IL12RB1: variants seen among roughly 807,000 people sequenced by gnomAD.
IL12RB1 encodes interleukin 12 receptor subunit beta 1, also known as interleukin-12 receptor subunit beta-1.
IL12RB1 carries 64 observed loss-of-function variants against 94.4 expected under a neutral mutation model. The ratio of observed to expected loss-of-function variants is 0.68; its 90% CI spans 0.55 to 0.83. IL12RB1 has a LOEUF of 0.83. IL12RB1 is among the 40% of genes least tolerant of loss of function. The pLI is 0.00. For synonymous variants in IL12RB1, 362 were observed against 355.5 expected (o/e 1.02, Z -0.21); for missense variants, 814 against 855.6 (o/e 0.95, Z 0.61).
At chr19:18,082,941 G>T (rs11667720) in intron 2 of IL12RB1, among the ~76,000 whole-genome samples, 1 of 151,628 alleles carries the variant, frequency 6.6e-6, no homozygotes. Flanking sequence ...AAATTAGCCG[G>T]GTGTGGTGGC....
At position 18,066,800 on chromosome 19, in the gene IL12RB1, G is replaced by C; in HGVS notation, c.1328-103C>G. 5.8e-6 allele frequency: 5 copies of C among 869,098 alleles called. No individual in the cohort carries two copies. In the South Asian group the frequency reaches 7.0e-5, roughly 12 times the overall value. 53.8% of individuals were successfully genotyped at this position (869,098 alleles called of 1,614,324 possible). A position where few individuals can be genotyped will look rare whatever the true frequency, so the allele number is the denominator to read the frequency against. ...CCAGCACTTTGGGAGGCCGAGGTGG[G>C]TAAGTCATTTGAGGCCAGGAGTTCA... On this transcript the variant is annotated intron_variant, in intron 11 of 16. Coordinates refer to ENST00000593993, the MANE Select transcript of IL12RB1 (RefSeq NM_005535.3).
At chr19:18,065,415 G>C (rs889145894) in intron 12 of IL12RB1, among the ~76,000 whole-genome samples, 1 of 152,118 alleles carries the variant, frequency 6.6e-6, no homozygotes, top group Non-Finnish European at 1.5e-5. Context: ...CCTTCTCCAG[G>C]GTCTGCAAGG....
intron 4 of IL12RB1, 35 bp downstream of exon 4, chr19:18,080,797 G>A: frequency 6.7e-7 from 1 of 1,485,026 alleles, no homozygotes; most frequent in South Asian, 1.1e-5. Flanking sequence ...GCCTCTCTGG[G>A]TAAAAAACGG....
intron 3 of IL12RB1, 86 bp downstream of exon 3, chr19:18,082,064 C>T (rs1053273959): frequency 1.8e-5 from 14 of 793,008 alleles, no homozygotes; most frequent in East Asian, 7.9e-5. Flanking sequence ...GCCAAGATCA[C>T]GCATCCGAGA....
intron 4 of IL12RB1, 143 bp downstream of exon 4, chr19:18,080,689 T>A: frequency 1.4e-6 from 1 of 730,296 alleles, no homozygotes; most frequent in Non-Finnish European, 2.5e-6. Context: ...GTCACAATAG[T>A]GTTTGCGTGA....
intron 12 of IL12RB1, 129 bp from the exon 13 acceptor site, chr19:18,064,139 T>TTC: frequency 1.4e-5 from 3 of 210,052 alleles, no homozygotes; most frequent in South Asian, 1.1e-4. Flanking sequence ...TCTTTCTTTC[T>TTC]TTTTTTTTTT....
intron 8 of IL12RB1, 26 bp from the exon 9 acceptor site, chr19:18,072,375 G>A (rs748827827): frequency 6.9e-7 from 1 of 1,441,586 alleles, no homozygotes; most frequent in Non-Finnish European, 9.8e-7. Flanking sequence ...AAGACAGCTT[G>A]TGGGTACCTG....
At chr19:18,071,147 T>G (rs1599492570) in intron 9 of IL12RB1, 1 of 313,530 alleles carries the variant, frequency 3.2e-6, no homozygotes, top group Non-Finnish European at 6.2e-6. Flanking sequence ...CCAAGGCAGG[T>G]GGATCACTTG....
At chr19:18,066,385 G>A (rs2034580420) in intron 12 of IL12RB1, among the ~76,000 whole-genome samples, 157 bp downstream of exon 12, 1 of 151,366 alleles carries the variant, frequency 6.6e-6, no homozygotes, top group Non-Finnish European at 1.5e-5. Flanking sequence ...GGGATTACAG[G>A]CGTGAGCCAC....
intron 8 of IL12RB1, 143 bp from the exon 9 acceptor site, chr19:18,072,492 A>G: frequency 1.5e-6 from 1 of 676,180 alleles, no homozygotes. Flanking sequence ...AGAATAATAA[A>G]CCTCAATGCT....
intron 4 of IL12RB1, among the ~76,000 whole-genome samples, chr19:18,079,348 C>T (rs1221937054): frequency 2.0e-5 from 3 of 152,044 alleles, no homozygotes; most frequent in Non-Finnish European, 4.4e-5. Flanking sequence ...AGGTGATCCT[C>T]CCACCTCGGC....
upstream of IL12RB1, among the ~76,000 whole-genome samples, chr19:18,088,402 T>C (rs1197422620): frequency 6.9e-6 from 1 of 144,406 alleles, no homozygotes; most frequent in Non-Finnish European, 1.5e-5. Flanking sequence ...TATATATATA[T>C]ATAAATTAAA....
chr19:18,088,491 G>C (rs2036482239), upstream of IL12RB1, among the ~76,000 whole-genome samples: 1 of 151,142 alleles, frequency 6.6e-6, no homozygotes, highest in African/African-American at 2.4e-5. Context: ...TTGAACCCAG[G>C]AGGTTGAGGC....
Position 18,075,628 on chromosome 19 carries a change from C to G in IL12RB1, c.700+121G>C. On this transcript the variant is annotated intron_variant, in intron 7 of 16. Coordinates refer to ENST00000593993, the MANE Select transcript of IL12RB1 (RefSeq NM_005535.3). ...CCCGGGCTGGTCTCAAACCACTGGC[C>G]TCAAGTGATCCTCCCGCCTCAGCCT... 9 of 885,278 alleles carry G rather than the reference C, an allele frequency of 1.0e-5. No individual in the cohort carries two copies. The South Asian group carries it at 1.1e-4, about 10-fold the overall frequency. The allele number at this position is 885,278 out of a possible 1,614,324, so 54.8% of individuals were successfully genotyped here. A position where few individuals can be genotyped will look rare whatever the true frequency, so the allele number is the denominator to read the frequency against.
intron 2 of IL12RB1, among the ~76,000 whole-genome samples, chr19:18,082,896 G>A (rs563242653): frequency 7.2e-5 from 11 of 151,992 alleles, no homozygotes; most frequent in Non-Finnish European, 1.3e-4. Flanking sequence ...CAGCCTGGGC[G>A]ACATGGTGAA....
At chr19:18,079,852 G>A (rs534157998) in intron 4 of IL12RB1, among the ~76,000 whole-genome samples, 18 of 151,990 alleles carry the variant, frequency 1.2e-4, no homozygotes, top group East Asian at 2.0e-4. Flanking sequence ...AGCCGAGATC[G>A]CGCCACTGCA....
At chr19:18,067,326 GAAA>G (rs57327846) in intron 11 of IL12RB1, among the ~76,000 whole-genome samples, 14 of 82,590 alleles carry the variant, frequency 1.7e-4, no homozygotes, top group African/African-American at 4.3e-4. Flanking sequence ...TCTGTCTCAA[GAAA>G]AAAAAAAAAA....
chr19:18,069,823 TACAGGGCCAG>T, intron 9 of IL12RB1, 110 bp from the exon 10 acceptor site: 1 of 826,588 alleles, frequency 1.2e-6, no homozygotes, highest in East Asian at 2.5e-5. Flanking sequence ...CCCCTGACCC[TACAGGGCCAG>T]GGGTGTCTGT....
upstream of IL12RB1, chr19:18,086,945 A>G: frequency 6.5e-7 from 1 of 1,545,038 alleles, no homozygotes. Flanking sequence ...GAAAAAAAAG[A>G]AAAAAGAAAA....
Sources: gnomAD v4.1 joint callset for allele counts (sites outside exome capture counted in the v4.1 genomes callset) on GRCh38, gnomAD v4.1.1 for gene constraint, MANE v1.5 for transcripts, NCBI Gene and HGNC (gene_info 2026-07-23, HGNC 2026-07-21) for gene names.